Variants in SLC13A3 observed in about 807,000 individuals in gnomAD.
SLC13A3 encodes the protein solute carrier family 13 member 3.
In SLC13A3, 40 loss-of-function variants were observed where a neutral mutation model predicts 59.0. That is an observed-to-expected ratio of 0.68 (90% confidence interval 0.53 to 0.88). SLC13A3 has a LOEUF of 0.88. Ranked by LOEUF, SLC13A3 falls within the 40% of genes least tolerant of loss-of-function variation. The probability of loss-of-function intolerance (pLI) is 0.00; values close to 1 mark genes in which losing one functional copy is unlikely to be tolerated. For missense variants in SLC13A3, 699 were observed against 783.2 expected (o/e 0.89, Z 1.28); for synonymous variants, 317 against 330.3 (o/e 0.96, Z 0.44).
rs111732580 is a variant in SLC13A3, at chr20:46,562,742, G to C, written c.1632+672C>G. 1.7e-3 allele frequency among the ~76,000 whole-genome samples: 260 copies of C among 152,194 alleles called. 4 individuals carry two copies. Among genetic ancestry groups the C allele is most frequent in the African/African-American group, 5.9e-3 (246 of 41,516 alleles). On this transcript the variant is annotated intron_variant, in intron 12 of 12. Coordinates refer to ENST00000279027, the MANE Select transcript of SLC13A3 (RefSeq NM_022829.6). ...GAACAAATCAATGAGTCTCTGTCTC[G>C]TCTCTTCTCTGTTTGCTCTGTGTCT...
chr20:46,631,804 A>T (rs2062740992), intron 1 of SLC13A3, among the ~76,000 whole-genome samples: 1 of 152,110 alleles, frequency 6.6e-6, no homozygotes, highest in South Asian at 2.1e-4. Flanking sequence ...AGAGAGAAAA[A>T]AATGCCATGT....
intron 1 of SLC13A3, among the ~76,000 whole-genome samples, chr20:46,683,389 C>T (rs963989308): frequency 2.6e-5 from 4 of 152,166 alleles, no homozygotes; most frequent in Admixed American, 1.3e-4. Flanking sequence ...GCTCCATCTT[C>T]CCTTTTCTTT....
Position 46,610,609 on chromosome 20 carries a change from C to T in SLC13A3, c.378G>A (p.Arg126=). The change falls in exon 3 of 13, where the codon AGG becomes AGA. Residue 126 remains arginine (R), a splice_region_variant and synonymous_variant. Transcript: ENST00000279027. ...TGGTCACCATCATCCCCAGGATGAG[C>T]CTGCAGAGCAGATGGCATTAGAGGC... ...ILMLVGVQPA[R]LILGMMVTTS... 1 of 1,610,796 alleles carries T rather than the reference C, an allele frequency of 6.2e-7. No individual in the cohort carries two copies. The highest frequency in any genetic ancestry group is 1.3e-5 in the African/African-American group (1 of 74,964).
At chr20:46,565,907 C>T (rs893642007) in intron 11 of SLC13A3, among the ~76,000 whole-genome samples, 2 of 152,142 alleles carry the variant, frequency 1.3e-5, no homozygotes, top group African/African-American at 4.8e-5. Context: ...CTCCTATGGC[C>T]ATTTGTTTAC....
In SLC13A3 at chr20:46,566,334, G is replaced by A. The variant is rs751322155; in HGVS notation, c.1389C>T (p.Pro463=). The part of the protein sequence containing the change: ...GGQLHPLENV[P]PALAVLLITV... ...TGATGAGCAGCACAGCCAGGGCGGG[G>A]GGCACATTCTCCAGGGGGTGCAGCT... The change falls in exon 11 of 13, where the codon CCC becomes CCT. Residue 463 remains proline, a synonymous_variant. Coordinates refer to ENST00000279027, the MANE Select transcript of SLC13A3 (RefSeq NM_022829.6). 7 of 1,612,794 alleles carry A rather than the reference G, an allele frequency of 4.3e-6. No individual in the cohort carries two copies. The Admixed American group carries it at 1.0e-4, about 23-fold the overall frequency.
intron 1 of SLC13A3, among the ~76,000 whole-genome samples, chr20:46,668,564 T>C (rs6017965): frequency 0.035 from 5,399 of 152,232 alleles, 300 homozygotes; most frequent in African/African-American, 0.12. Flanking sequence ...CTGCATAACA[T>C]AAAAGTGCAA....
At chr20:46,586,453 T>C (rs1207454814) in intron 8 of SLC13A3, among the ~76,000 whole-genome samples, 3 of 152,156 alleles carry the variant, frequency 2.0e-5, no homozygotes, top group African/African-American at 7.2e-5. Context: ...TTAAACACTT[T>C]CCATAGCTGA....
At position 46,651,354 on chromosome 20, in the gene SLC13A3, G is replaced by A. The variant is rs1257552286; in HGVS notation, c.68C>T (p.Thr23Met). 9 of 1,514,238 alleles carry A rather than the reference G, an allele frequency of 5.9e-6. No individual in the cohort carries two copies. The Admixed American group carries it at 8.4e-5, about 14-fold the overall frequency. The allele number at this position is 1,514,238 out of a possible 1,614,324, so 93.8% of individuals were successfully genotyped here. A position where few individuals can be genotyped will look rare whatever the true frequency, so the allele number is the denominator to read the frequency against. Reference sequence around the variant, plus strand: ...GACCACCGGCAGCAGCGCGAGCGGCGTGAACAGCAGCACCAGCAGCCGCCG... The same window carrying A: ...GACCACCGGCAGCAGCGCGAGCGGCATGAACAGCAGCACCAGCAGCCGCCG... The part of the protein sequence containing the change: ...SARRLLVLLF[T>M]PLALLPVVFA... Residue 23 changes from threonine (T) to methionine (M), a missense_variant, in exon 1 of 13, where the codon ACG becomes ATG. Thr to Met is a moderately conservative substitution (Grantham distance 81). Coordinates refer to ENST00000279027, the MANE Select transcript of SLC13A3 (RefSeq NM_022829.6).
chr20:46,611,788 G>A (rs912328069), intron 2 of SLC13A3, among the ~76,000 whole-genome samples: 4 of 152,036 alleles, frequency 2.6e-5, no homozygotes, highest in African/African-American at 7.2e-5. Context: ...CAGCTAAGAC[G>A]AATCTTTAAA....
intron 9 of SLC13A3, among the ~76,000 whole-genome samples, chr20:46,575,966 G>A (rs1691549807): frequency 6.6e-6 from 1 of 152,130 alleles, no homozygotes; most frequent in African/African-American, 2.4e-5. Context: ...ACAGCCCTTG[G>A]GCACAAGTGC....
chr20:46,643,176 G>A (rs1306223655), intron 1 of SLC13A3, among the ~76,000 whole-genome samples: 1 of 152,088 alleles, frequency 6.6e-6, no homozygotes, highest in Non-Finnish European at 1.5e-5. Flanking sequence ...GCCCTTGTGA[G>A]CTTATACCCC....
Position 46,651,428 on chromosome 20 carries a change from G to A in SLC13A3, c.-7C>T. ...CTGCTGCCAGCGCCGCCATCAGCGC[G>A]ATCGCCTGGCGGTACGGGCCGGCCC... On this transcript the variant is annotated 5_prime_UTR_variant, in exon 1 of 13. Transcript: ENST00000279027. The A allele has an allele frequency of 6.1e-6, 9 of 1,477,944 alleles. No homozygotes were observed. The highest frequency in any genetic ancestry group is 8.0e-6 in the Non-Finnish European group (9 of 1,121,138). 91.6% of individuals were successfully genotyped at this position (1,477,944 alleles called of 1,614,324 possible).
intron 1 of SLC13A3, chr20:46,669,895 A>G (rs960846737): frequency 2.0e-5 from 3 of 152,176 alleles, no homozygotes; most frequent in Non-Finnish European, 2.9e-5. Context: ...TCAACTTACA[A>G]TGGGTTTATT....
At chr20:46,582,419 T>A (rs1487639405) in intron 9 of SLC13A3, among the ~76,000 whole-genome samples, 2 of 147,660 alleles carry the variant, frequency 1.4e-5, no homozygotes, top group African/African-American at 5.0e-5. Context: ...TGAGCTACCA[T>A]GCCCAGCCTG....
At chr20:46,630,136 C>G (rs558027838) in intron 1 of SLC13A3, among the ~76,000 whole-genome samples, 1 of 152,312 alleles carries the variant, frequency 6.6e-6, no homozygotes, top group African/African-American at 2.4e-5. Flanking sequence ...CAAGGGGGAG[C>G]CCCTTACTCA....
intron 10 of SLC13A3, among the ~76,000 whole-genome samples, chr20:46,571,429 A>G (rs1279033718): frequency 6.6e-6 from 1 of 152,224 alleles, no homozygotes; most frequent in Non-Finnish European, 1.5e-5. Flanking sequence ...TAACAGTAAT[A>G]ATAATAGTGA....
intron 1 of SLC13A3, among the ~76,000 whole-genome samples, chr20:46,676,877 G>C (rs1167839779): frequency 1.3e-5 from 2 of 152,196 alleles, no homozygotes; most frequent in Non-Finnish European, 2.9e-5. Context: ...GCCTACGCCA[G>C]GGTGGCCAGG....
intron 1 of SLC13A3, among the ~76,000 whole-genome samples, chr20:46,621,931 A>C (rs1292153821): frequency 6.6e-6 from 1 of 152,220 alleles, no homozygotes; most frequent in Non-Finnish European, 1.5e-5. Flanking sequence ...CACGGATTGA[A>C]ATATTTCTTA....
At chr20:46,578,478 T>C (rs2745733) in intron 9 of SLC13A3, among the ~76,000 whole-genome samples, 141,255 of 151,600 alleles carry the variant, frequency 0.93, 65,951 homozygotes, top group East Asian at 1. Context: ...GAGTTCAAGA[T>C]CAGCCTGGCC....
Sources: allele counts gnomAD v4.1 joint callset (sites outside exome capture counted in the v4.1 genomes callset), GRCh38; gene constraint gnomAD v4.1.1; transcripts MANE v1.5; gene names NCBI Gene and HGNC (gene_info 2026-07-23, HGNC 2026-07-21).